Variants in PCDHGB3 observed in about 807,000 individuals in gnomAD.
PCDHGB3 encodes protocadherin gamma-B3.
A neutral mutation model predicts 59.2 loss-of-function variants in PCDHGB3; 40 were observed. The ratio of observed to expected loss-of-function variants is 0.68; its 90% confidence interval spans 0.52 to 0.88. PCDHGB3 has a LOEUF of 0.88. PCDHGB3 is among the 40% of genes least tolerant of loss of function. PCDHGB3 has a pLI of 0.00. For synonymous variants in PCDHGB3, 581 were observed against 503.6 expected (o/e 1.15, Z -2.06); for missense variants, 1,309 against 1,187.9 (o/e 1.10, Z -1.50).
chr5:141,376,672 TA>T, intron 1 of PCDHGB3: 1 of 691,294 alleles, frequency 1.4e-6, no homozygotes, highest in Non-Finnish European at 2.3e-6. Flanking sequence ...CAGGTGAGGG[TA>T]TCGTTTTTTT....
At chr5:141,470,628 G>T (rs1475199767) in intron 1 of PCDHGB3, among the ~76,000 whole-genome samples, 12 of 152,146 alleles carry the variant, frequency 7.9e-5, no homozygotes, top group Admixed American at 7.9e-4. Flanking sequence ...GCTTAGATAG[G>T]CCCCCTTGCT....
At chr5:141,420,406 T>C (rs2096494414) in intron 1 of PCDHGB3, 1 of 1,241,672 alleles carries the variant, frequency 8.1e-7, no homozygotes, top group Non-Finnish European at 1.1e-6. Context: ...AATTTATGGT[T>C]ATCATTATTA....
Position 141,388,164 on chromosome 5 carries a change from G to A in PCDHGB3, c.2415+15355G>A, listed in dbSNP as rs372819071. 487 of 1,478,548 alleles carry A rather than the reference G, an allele frequency of 3.3e-4. No homozygotes were observed. The highest frequency in any genetic ancestry group is 4.3e-4 in the Non-Finnish European group (458 of 1,069,378). 91.6% of individuals were successfully genotyped at this position (1,478,548 alleles called of 1,614,324 possible). A position where few individuals can be genotyped will look rare whatever the true frequency, so the allele number is the denominator to read the frequency against. On this transcript the variant is annotated intron_variant, in intron 1 of 3. Coordinates refer to ENST00000576222, the MANE Select transcript of PCDHGB3 (RefSeq NM_018924.5). ...TGTGAGCAGCAGGCTAGACAGGGAG[G>A]AGATATGCGGGAAGAAGCCAGCTTG...
In PCDHGB3 at chr5:141,370,472, C is replaced by G; in HGVS notation, c.78C>G (p.Asp26Glu). The change falls in exon 1 of 4, where the codon GAC (aspartate) becomes GAG (glutamate). Residue 26 changes from aspartate (D) to glutamate (E), a missense_variant. Physicochemically the swap from Asp to Glu is conservative, Grantham distance 45. Coordinates refer to ENST00000576222, the MANE Select transcript of PCDHGB3 (RefSeq NM_018924.5). The part of the protein sequence containing the change: ...MLFLFLLSLL[D>E]QALSEPIRYA... ...TTCTCTTCCTGCTCTCTTTGTTAGA[C>G]CAGGCTCTCTCCGAACCGATCCGCT... The G allele has an allele frequency of 1.2e-6, 2 of 1,613,450 alleles. No homozygotes were observed. Among genetic ancestry groups the G allele is most frequent in the Non-Finnish European group, 1.7e-6 (2 of 1,179,632 alleles).
At chr5:141,384,648 G>A in intron 1 of PCDHGB3, 1 of 1,614,238 alleles carries the variant, frequency 6.2e-7, no homozygotes, top group Middle Eastern at 1.6e-4. Flanking sequence ...GCTCCGCAGA[G>A]CCCGGCTACC....
rs1032345173 is a variant in PCDHGB3 at position 141,468,852 on chromosome 5, C to T, written c.2416-25955C>T. Among the ~76,000 whole-genome samples the T allele has an allele frequency of 7.2e-5, 11 of 151,868 alleles. No individual in the cohort carries two copies. In the East Asian group the frequency reaches 9.7e-4, roughly 13 times the overall value. On this transcript the variant is annotated intron_variant, in intron 1 of 3. Transcript: ENST00000576222. ...CTGCACTCCAGCCTGGGCAACAGAG[C>T]GAGACTCCATCTCAAAAATAATAAT... is the stretch of plus-strand genomic sequence containing the variant.
chr5:141,376,654 C>A, intron 1 of PCDHGB3: 1 of 932,252 alleles, frequency 1.1e-6, no homozygotes, highest in Non-Finnish European at 1.6e-6. Context: ...GTGGAAGACT[C>A]CCTTGTTCAG....
chr5:141,424,149 G>T, intron 1 of PCDHGB3: 1 of 324,612 alleles, frequency 3.1e-6, no homozygotes. Flanking sequence ...GCTCCCTCTA[G>T]CTCTCCTTCT....
intron 1 of PCDHGB3, chr5:141,433,358 CCTATCTATCTAT>C (rs3074541): frequency 0.01 from 5,256 of 504,010 alleles, 38 homozygotes; most frequent in Non-Finnish European, 0.014. Flanking sequence ...CTACTGTCTG[CCTATCTATCTAT>C]CTATCTATCT....
chr5:141,443,436 T>A (rs1435598893), intron 1 of PCDHGB3, among the ~76,000 whole-genome samples: 1 of 152,132 alleles, frequency 6.6e-6, no homozygotes, highest in Admixed American at 6.6e-5. Context: ...CAGTGAGCTG[T>A]GGTTGCGCTC....
chr5:141,420,147 C>T lies in PCDHGB3; in HGVS notation c.2415+47338C>T, dbSNP rs1480828845. On this transcript the variant is annotated intron_variant, in intron 1 of 3. Transcript: ENST00000576222. Reference sequence around the variant, plus strand: ...TGTGTGCCTGGGGATCAAATGAATCCAGAATTTAATTTTTTCACATCTGTT... The same window carrying T: ...TGTGTGCCTGGGGATCAAATGAATCTAGAATTTAATTTTTTCACATCTGTT... The T allele has an allele frequency of 2.5e-6, 4 of 1,613,848 alleles. No individual in the cohort carries two copies. The East Asian group carries it at 8.9e-5, about 36-fold the overall frequency.
chr5:141,434,784 A>C (rs967716221), intron 1 of PCDHGB3, among the ~76,000 whole-genome samples: 1 of 150,278 alleles, frequency 6.7e-6, no homozygotes, highest in African/African-American at 2.5e-5. Flanking sequence ...AAAAAAAAAA[A>C]TTTTTTTTTC....
intron 1 of PCDHGB3, chr5:141,394,966 G>C (rs758463890): frequency 1.9e-6 from 3 of 1,613,768 alleles, no homozygotes; most frequent in Admixed American, 3.3e-5. Context: ...AGGCTGAGGC[G>C]CTGGCACAAG....
At chr5:141,393,319 G>A (rs2092728293) in intron 1 of PCDHGB3, 1 of 1,612,192 alleles carries the variant, frequency 6.2e-7, no homozygotes, top group Admixed American at 1.7e-5. Flanking sequence ...TCCCTCCAGA[G>A]CTACCAGCTC....
At chr5:141,380,103 A>T (rs1371621007) in intron 1 of PCDHGB3, among the ~76,000 whole-genome samples, 3 of 151,578 alleles carry the variant, frequency 2.0e-5, no homozygotes, top group Admixed American at 6.6e-5. Flanking sequence ...TTTTACCATG[A>T]TGGCCAGGCT....
chr5:141,460,289 T>C, intron 1 of PCDHGB3, among the ~76,000 whole-genome samples: 1 of 152,148 alleles, frequency 6.6e-6, no homozygotes, highest in East Asian at 1.9e-4. Context: ...TTTGTATTTC[T>C]TATGTCCTAT....
intron 2 of PCDHGB3, among the ~76,000 whole-genome samples, chr5:141,496,391 A>G (rs1473991011): frequency 1.3e-5 from 2 of 151,930 alleles, no homozygotes; most frequent in Admixed American, 6.6e-5. Flanking sequence ...ACCTTACCCT[A>G]CCTCCTCAAT....
chr5:141,427,751 C>G (rs778043340), intron 1 of PCDHGB3: 6 of 1,306,076 alleles, frequency 4.6e-6, no homozygotes, highest in Non-Finnish European at 6.6e-6. Context: ...CCTACTCCAT[C>G]GTTACCACTG....
At chr5:141,426,678 T>C (rs2096951425) in intron 1 of PCDHGB3, 2 of 431,490 alleles carry the variant, frequency 4.6e-6, no homozygotes, top group Admixed American at 5.1e-5. Flanking sequence ...CCCACCTCAT[T>C]TTCCCCAAAA....
Sources: allele counts gnomAD v4.1 joint callset (sites outside exome capture counted in the v4.1 genomes callset), GRCh38; gene constraint gnomAD v4.1.1; transcripts MANE v1.5; gene names NCBI Gene and HGNC (gene_info 2026-07-23, HGNC 2026-07-21).